NCLN: variants seen among roughly 807,000 people sequenced by gnomAD.
The protein encoded by NCLN is BOS complex subunit NCLN.
NCLN carries 34 observed loss-of-function variants against 69.5 expected under a neutral mutation model. The observed-to-expected ratio is 0.49, with a 90% confidence interval of 0.37 to 0.65. NCLN has a LOEUF of 0.65. Ranked by LOEUF, NCLN falls within the 30% of genes least tolerant of loss-of-function variation. The pLI, the probability that NCLN is intolerant of heterozygous loss-of-function variation, is 0.00. For synonymous variants in NCLN, 393 were observed against 358.3 expected, an observed-to-expected ratio of 1.10 and a Z score of -1.09; for missense variants, 710 against 804.8, an observed-to-expected ratio of 0.88 and a Z score of 1.42.
intron 1 of NCLN, among the ~76,000 whole-genome samples, chr19:3,191,009 G>T (rs1174422719): frequency 6.9e-6 from 1 of 145,962 alleles, no homozygotes. Context: ...ATCGCGGTGT[G>T]TGGCGGGCAG....
intron 5 of NCLN, among the ~76,000 whole-genome samples, chr19:3,201,101 G>A (rs1018177406): frequency 1.3e-5 from 2 of 152,238 alleles, no homozygotes; most frequent in East Asian, 1.9e-4. Flanking sequence ...GCCGGGGCTC[G>A]AGGGTGGAAG....
At position 3,188,079 on chromosome 19, in the gene NCLN, G is replaced by A. The variant is rs148445400; in HGVS notation, c.184+1865G>A. Among the ~76,000 whole-genome samples the A allele has an allele frequency of 3.5e-3, 538 of 152,160 alleles. 3 individuals are homozygous for A. Among genetic ancestry groups the A allele is most frequent in the African/African-American group, 0.012 (508 of 41,494 alleles). ...GCCTGCGGCTCTCATAGCGGCTTCCGTGGGGTTTCCAGGGCAGTCTGCACC... is the reference window on the plus strand; with the variant it reads ...GCCTGCGGCTCTCATAGCGGCTTCCATGGGGTTTCCAGGGCAGTCTGCACC... On this transcript the variant is annotated intron_variant, in intron 1 of 14. Transcript: ENST00000246117.
In NCLN at chr19:3,198,911, TC is replaced by T; in HGVS notation, c.696+18del. The T allele has an allele frequency of 2.1e-6, 3 of 1,438,528 alleles. No homozygotes were observed. The highest frequency in any genetic ancestry group is 2.8e-6 in the Non-Finnish European group (3 of 1,083,466). 89.1% of individuals were successfully genotyped at this position (1,438,528 alleles called of 1,614,324 possible). On this transcript the variant is annotated intron_variant, in intron 5 of 14. Coordinates refer to ENST00000246117, the MANE Select transcript of NCLN (RefSeq NM_020170.4). Reference sequence around the variant, plus strand: ...GGAGTGGCCCCCGTACGTATGTGTGTCCCCATTCCCCCCACCCCACAGGGCT... The same window carrying T: ...GGAGTGGCCCCCGTACGTATGTGTGTCCCATTCCCCCCACCCCACAGGGCT...
chr19:3,190,421 C>A (rs187609468), intron 1 of NCLN, among the ~76,000 whole-genome samples: 15 of 149,970 alleles, frequency 1.0e-4, no homozygotes, highest in African/African-American at 2.8e-4. Context: ...TCCCGCCTGT[C>A]CCCCCATGCA....
intron 4 of NCLN, among the ~76,000 whole-genome samples, chr19:3,197,388 A>G (rs906263059): frequency 6.6e-6 from 1 of 152,220 alleles, no homozygotes; most frequent in Non-Finnish European, 1.5e-5. Context: ...CCAGACGGGG[A>G]GTCCCCAGGC....
chr19:3,204,507 T>G, intron 8 of NCLN, 66 bp from the exon 9 acceptor site: 1 of 1,448,442 alleles, frequency 6.9e-7, no homozygotes, highest in South Asian at 1.4e-5. Flanking sequence ...CCTGGAGCAT[T>G]TGGGGAATGG....
At position 3,205,571 on chromosome 19, in the gene NCLN, A is replaced by G. The variant is rs1188377732; in HGVS notation, c.1209-368A>G. 2.6e-5 allele frequency among the ~76,000 whole-genome samples: 4 copies of G among 152,222 alleles called. No individual in the cohort carries two copies. In the East Asian group the frequency reaches 7.7e-4, roughly 29 times the overall value. On this transcript the variant is annotated intron_variant, in intron 9 of 14. Transcript: ENST00000246117. This position sits in a 1 kb window ranked among gnomAD's most constrained non-coding sequence, Gnocchi z 4.6. ...TGTGCTGAGCTCTCTCAAGACCACC[A>G]GGGGTCAGCCCAGGAGGGCCACCTG...
At chr19:3,190,295 G>T (rs1915784040) in intron 1 of NCLN, among the ~76,000 whole-genome samples, 1 of 152,158 alleles carries the variant, frequency 6.6e-6, no homozygotes, top group African/African-American at 2.4e-5. Flanking sequence ...GAGGCTGCTG[G>T]GCCTGGGGTG....
intron 3 of NCLN, among the ~76,000 whole-genome samples, chr19:3,195,864 C>T (rs1440239821): frequency 6.6e-6 from 1 of 152,206 alleles, no homozygotes; most frequent in African/African-American, 2.4e-5. Context: ...TGTGAACTCA[C>T]AGGCATTTTC....
chr19:3,190,725 G>A (rs954735000), intron 1 of NCLN, among the ~76,000 whole-genome samples: 8 of 152,118 alleles, frequency 5.3e-5, no homozygotes, highest in African/African-American at 9.7e-5. Flanking sequence ...GGGAGGCTCC[G>A]GGGCCCGCCC....
chr19:3,206,449 C>G, intron 12 of NCLN, 24 bp downstream of exon 12: 1 of 1,537,868 alleles, frequency 6.5e-7, no homozygotes, highest in Non-Finnish European at 8.8e-7. Flanking sequence ...TCCGCGCTGG[C>G]CCCGTTCAGC....
chr19:3,204,604 T>C lies in NCLN; in HGVS notation c.1061T>C (p.Phe354Ser), dbSNP rs1916214000. Residue 354 changes from phenylalanine (F) to serine (S), a missense_variant, in exon 9 of 15, where the codon TTC becomes TCC. By Grantham distance (155) the Phe-to-Ser change is radical. Coordinates refer to ENST00000246117, the MANE Select transcript of NCLN (RefSeq NM_020170.4). The part of the protein sequence containing the change: ...VAAHQFPEVR[F>S]SMVHKRINLA... ...GCGCACCAGTTCCCTGAGGTACGGT[T>C]CTCCATGGTGCACAAGCGGATCAAC... 1 of 1,582,956 alleles carries C rather than the reference T, an allele frequency of 6.3e-7. No individual in the cohort carries two copies. The highest frequency in any genetic ancestry group is 1.1e-5 in the South Asian group (1 of 87,844).
chr19:3,193,468 G>T, intron 3 of NCLN, 40 bp downstream of exon 3: 8 of 1,549,948 alleles, frequency 5.2e-6, no homozygotes, highest in Non-Finnish European at 6.9e-6. Context: ...GTGGGCGTGG[G>T]TGTGGGGAGG....
intron 1 of NCLN, among the ~76,000 whole-genome samples, chr19:3,190,384 C>T (rs1302738283): frequency 2.0e-5 from 3 of 152,170 alleles, no homozygotes; most frequent in Non-Finnish European, 2.9e-5. Flanking sequence ...CACCCGAGAC[C>T]CCGCCCATTC....
intron 1 of NCLN, among the ~76,000 whole-genome samples, chr19:3,191,863 G>T (rs1599349463): frequency 6.9e-6 from 1 of 145,658 alleles, no homozygotes; most frequent in Admixed American, 6.8e-5. Flanking sequence ...GGTGGGAAGT[G>T]TGGGTTTCTC....
chr19:3,199,477 A>T (rs1291745651), intron 5 of NCLN, among the ~76,000 whole-genome samples: 1 of 151,972 alleles, frequency 6.6e-6, no homozygotes, highest in Non-Finnish European at 1.5e-5. Context: ...GGGATTCCAG[A>T]CTCCGGAGGG....
chr19:3,197,492 A>T (rs1280866258), intron 4 of NCLN, among the ~76,000 whole-genome samples: 1 of 152,174 alleles, frequency 6.6e-6, no homozygotes, highest in Non-Finnish European at 1.5e-5. Flanking sequence ...CCCAGGCTGG[A>T]GTGCAGTGGC....
In NCLN at chr19:3,198,819, G is replaced by A. The variant is rs2304248; in HGVS notation, c.618G>A (p.Gly206=). ...VSDWLIASVE[G]RLTGLGGEDL... ...ATTCCCCTGCTCTCTATCCACAGGG[G>A]CGGCTGACGGGGCTGGGCGGAGAGG... Residue 206 remains glycine (G), a splice_region_variant and synonymous_variant, in exon 5 of 15, where the codon GGG becomes GGA. Coordinates refer to ENST00000246117, the MANE Select transcript of NCLN (RefSeq NM_020170.4). 6,999 of 1,581,716 alleles carry A rather than the reference G, an allele frequency of 4.4e-3. 283 individuals are homozygous for A. The Admixed American group carries it at 0.088, about 20-fold the overall frequency.
chr19:3,196,827 C>T (rs1351414118), intron 4 of NCLN, among the ~76,000 whole-genome samples: 3 of 152,216 alleles, frequency 2.0e-5, no homozygotes, highest in African/African-American at 7.2e-5. Context: ...CCTTAAAACC[C>T]GAGGAAGCAC....
Sources: gnomAD v4.1 joint callset for allele counts (sites outside exome capture counted in the v4.1 genomes callset) on GRCh38, gnomAD v4.1.1 for gene constraint, Gnocchi (gnomAD v3.1) non-coding constraint, MANE v1.5 for transcripts, NCBI Gene and HGNC (gene_info 2026-07-23, HGNC 2026-07-21) for gene names.